Variants in ENTREP2 observed in about 807,000 individuals in gnomAD.
The protein encoded by ENTREP2 is endosomal transmembrane epsin interactor 2.
At chr15:29,648,360 ATAC>A in the ENTREP2 span, among the ~76,000 whole-genome samples, 1 of 152,192 alleles carries the variant, frequency 6.6e-6, no homozygotes, top group Non-Finnish European at 1.5e-5. Flanking sequence ...TGTTCAGTCC[ATAC>A]TACTGACAAG....
the ENTREP2 span, among the ~76,000 whole-genome samples, chr15:29,423,542 C>T: frequency 1.3e-5 from 2 of 151,734 alleles, no homozygotes; most frequent in Non-Finnish European, 2.9e-5. Flanking sequence ...AATCCCAGCA[C>T]TTCAGGAGGC....
chr15:29,331,172 A>G, the ENTREP2 span, among the ~76,000 whole-genome samples: 1 of 152,216 alleles, frequency 6.6e-6, no homozygotes, highest in African/African-American at 2.4e-5. Context: ...GTATGGAGGA[A>G]TAATTTTAGA....
At chr15:29,173,511 C>T in the ENTREP2 span, among the ~76,000 whole-genome samples, 1 of 152,150 alleles carries the variant, frequency 6.6e-6, no homozygotes, top group Non-Finnish European at 1.5e-5. Flanking sequence ...CTGGCTTAGA[C>T]TTTAAACTCA....
chr15:29,225,019 G>A, the ENTREP2 span, among the ~76,000 whole-genome samples: 4 of 152,312 alleles, frequency 2.6e-5, no homozygotes, highest in Non-Finnish European at 4.4e-5. Context: ...TGCCCGGGCC[G>A]GCGGGCTGGC....
chr15:29,417,318 A>C, the ENTREP2 span, among the ~76,000 whole-genome samples: 1 of 152,238 alleles, frequency 6.6e-6, no homozygotes, highest in Non-Finnish European at 1.5e-5. Flanking sequence ...TGCAGCCATA[A>C]AAAATGATGA....
At chr15:29,458,224 C>G in the ENTREP2 span, among the ~76,000 whole-genome samples, 1 of 152,208 alleles carries the variant, frequency 6.6e-6, no homozygotes, top group South Asian at 2.1e-4. Flanking sequence ...TGTCCCAACT[C>G]AAGTAGAGAC....
chr15:29,331,833 G>A, the ENTREP2 span, among the ~76,000 whole-genome samples: 26 of 152,266 alleles, frequency 1.7e-4, no homozygotes, highest in East Asian at 2.9e-3. Flanking sequence ...GCAGGCACCC[G>A]ACAGACCAAG....
chr15:29,143,947 C>A, the ENTREP2 span, among the ~76,000 whole-genome samples: 1 of 152,276 alleles, frequency 6.6e-6, no homozygotes, highest in South Asian at 2.1e-4. Context: ...GGAGGAGTGA[C>A]ATAGAAAAGA....
chr15:29,167,005 A>C, the ENTREP2 span, among the ~76,000 whole-genome samples: 2 of 152,198 alleles, frequency 1.3e-5, no homozygotes, highest in Non-Finnish European at 2.9e-5. Flanking sequence ...CAGAACCCAG[A>C]AATAAACCAA....
chr15:29,132,655 A>T, the ENTREP2 span, among the ~76,000 whole-genome samples: 1 of 152,230 alleles, frequency 6.6e-6, no homozygotes, highest in South Asian at 2.1e-4. Flanking sequence ...AACCAGCCAG[A>T]TCCCTTCCAA....
chr15:29,601,447 T>C, the ENTREP2 span, among the ~76,000 whole-genome samples: 15 of 151,642 alleles, frequency 9.9e-5, no homozygotes, highest in African/African-American at 3.4e-4. Flanking sequence ...TTTTTTTTTT[T>C]CTAGAGTTAC....
the ENTREP2 span, among the ~76,000 whole-genome samples, chr15:29,197,301 C>A: frequency 1.3e-5 from 2 of 152,140 alleles, no homozygotes; most frequent in Non-Finnish European, 2.9e-5. Flanking sequence ...AAAGTAAAGT[C>A]CTAGCCAGGT....
chr15:29,152,746 C>T, the ENTREP2 span, among the ~76,000 whole-genome samples: 1 of 152,004 alleles, frequency 6.6e-6, no homozygotes, highest in Admixed American at 6.6e-5. Flanking sequence ...TGTTGTGAGC[C>T]TTTGTTTATA....
chr15:29,194,858 C>T, the ENTREP2 span, among the ~76,000 whole-genome samples: 4 of 152,194 alleles, frequency 2.6e-5, no homozygotes, highest in Admixed American at 1.3e-4. Flanking sequence ...CTGTTGAACA[C>T]CCCAACCAGC....
the ENTREP2 span, among the ~76,000 whole-genome samples, chr15:29,193,877 A>G: frequency 6.6e-6 from 1 of 152,236 alleles, no homozygotes; most frequent in South Asian, 2.1e-4. Flanking sequence ...TACCATTAGG[A>G]TAGCACCAAT....
the ENTREP2 span, among the ~76,000 whole-genome samples, chr15:29,381,275 T>G: frequency 3.4e-4 from 50 of 148,258 alleles, no homozygotes; most frequent in Non-Finnish European, 1.5e-5. Flanking sequence ...GCCAAGATGG[T>G]GAAACCCCAT....
chr15:29,646,654 T>G, the ENTREP2 span, among the ~76,000 whole-genome samples: 1 of 152,212 alleles, frequency 6.6e-6, no homozygotes, highest in African/African-American at 2.4e-5. Context: ...TCTCTGAATC[T>G]TAAGTTCAGC....
the ENTREP2 span, among the ~76,000 whole-genome samples, chr15:29,238,708 G>A: frequency 3.9e-5 from 6 of 152,042 alleles, no homozygotes; most frequent in Non-Finnish European, 7.4e-5. Context: ...ATCTGCTGCC[G>A]GGGAGGCCTC....
At chr15:29,668,110 C>T in the ENTREP2 span, among the ~76,000 whole-genome samples, 3 of 152,206 alleles carry the variant, frequency 2.0e-5, no homozygotes, top group East Asian at 5.8e-4. Flanking sequence ...AAGAGAGCAC[C>T]CTAGCCAATC....
Sources: allele counts gnomAD v4.1 joint callset (sites outside exome capture counted in the v4.1 genomes callset), GRCh38; gene constraint gnomAD v4.1.1; transcripts MANE v1.5; gene names NCBI Gene and HGNC (gene_info 2026-07-23, HGNC 2026-07-21).